Variants in RIT2 observed in about 807,000 individuals in gnomAD.
The protein encoded by RIT2 is GTP-binding protein Rit2.
In RIT2, 24 loss-of-function variants were observed where a neutral mutation model predicts 23.7. That is an observed-to-expected ratio of 1.01 (90% CI 0.73 to 1.43). RIT2 has a LOEUF of 1.43. RIT2 is among the 40% of genes most tolerant of loss of function. The pLI, the probability that RIT2 is intolerant of heterozygous loss-of-function variation, is 0.00. For synonymous variants in RIT2, 107 were observed against 91.1 expected, an observed-to-expected ratio of 1.17 and a Z score of -0.99; for missense variants, 236 against 266.9, an observed-to-expected ratio of 0.88 and a Z score of 0.81.
At chr18:42,848,023 T>C (rs564220464) in intron 4 of RIT2, among the ~76,000 whole-genome samples, 5 of 151,644 alleles carry the variant, frequency 3.3e-5, no homozygotes, top group African/African-American at 1.2e-4. Context: ...ATTACCCAGC[T>C]GCTGGAAATG....
intron 2 of RIT2, among the ~76,000 whole-genome samples, chr18:43,002,880 C>CA (rs1861309532): frequency 6.6e-6 from 1 of 151,806 alleles, no homozygotes; most frequent in Admixed American, 6.6e-5. Context: ...CAGGATTATC[C>CA]AGGTGTGACC....
chr18:42,956,486 T>C (rs994978454), intron 3 of RIT2, among the ~76,000 whole-genome samples: 4 of 152,182 alleles, frequency 2.6e-5, no homozygotes, highest in Admixed American at 6.6e-5. Context: ...AAATGAAACA[T>C]GTACTTGAAA....
At chr18:43,078,328 T>C (rs1312382076) in intron 1 of RIT2, among the ~76,000 whole-genome samples, 3 of 152,192 alleles carry the variant, frequency 2.0e-5, no homozygotes, top group Non-Finnish European at 4.4e-5. Context: ...AGGTGCATTC[T>C]TGCCACTGTA....
intron 1 of RIT2, among the ~76,000 whole-genome samples, chr18:43,063,881 G>C (rs753552331): frequency 1.3e-5 from 2 of 152,262 alleles, no homozygotes; most frequent in East Asian, 3.9e-4. Context: ...GGAGGTCATA[G>C]GGAGGAGTAA....
intron 4 of RIT2, among the ~76,000 whole-genome samples, chr18:42,911,158 G>T (rs1245545886): frequency 2.0e-5 from 3 of 151,806 alleles, no homozygotes; most frequent in Non-Finnish European, 4.4e-5. Context: ...AACATCTTGG[G>T]AATTAAAAAT....
At chr18:43,007,702 C>T (rs1345833746) in intron 2 of RIT2, among the ~76,000 whole-genome samples, 1 of 151,662 alleles carries the variant, frequency 6.6e-6, no homozygotes, top group Admixed American at 6.6e-5. Flanking sequence ...AAATAATACC[C>T]ACCAGGTATG....
At chr18:42,864,837 C>T (rs1200966826) in intron 4 of RIT2, among the ~76,000 whole-genome samples, 1 of 152,170 alleles carries the variant, frequency 6.6e-6, no homozygotes, top group Non-Finnish European at 1.5e-5. Context: ...TCCATATATC[C>T]TGAAAGGTGG....
At chr18:42,822,093 T>C (rs1906168497) in intron 4 of RIT2, among the ~76,000 whole-genome samples, 1 of 152,134 alleles carries the variant, frequency 6.6e-6, no homozygotes, top group East Asian at 1.9e-4. Flanking sequence ...GGAAGCTAAA[T>C]GCAGAGGAGA....
chr18:43,026,634 A>AAGAAAG (rs1555652917), intron 2 of RIT2, among the ~76,000 whole-genome samples: 5 of 100,278 alleles, frequency 5.0e-5, no homozygotes, highest in Non-Finnish European at 6.9e-5. Flanking sequence ...GAAAGAAAGA[A>AAGAAAG]AGAGAGAAAG....
At chr18:42,826,553 C>T (rs1006515643) in intron 4 of RIT2, among the ~76,000 whole-genome samples, 4 of 152,008 alleles carry the variant, frequency 2.6e-5, no homozygotes, top group African/African-American at 7.2e-5. Context: ...TTAATGTTTA[C>T]ATATTAGAAT....
At chr18:42,745,586 C>T (rs1396806625) in intron 4 of RIT2, among the ~76,000 whole-genome samples, 1 of 152,042 alleles carries the variant, frequency 6.6e-6, no homozygotes. Flanking sequence ...TTTTTTCATT[C>T]CTACTGGTAA....
intron 2 of RIT2, among the ~76,000 whole-genome samples, chr18:42,999,397 A>G (rs1177807361): frequency 6.6e-6 from 1 of 152,116 alleles, no homozygotes; most frequent in South Asian, 2.1e-4. Context: ...GCAATGTGAA[A>G]GAAACTACCT....
chr18:43,038,835 A>G (rs147053166), intron 1 of RIT2, among the ~76,000 whole-genome samples: 1,832 of 150,764 alleles, frequency 0.012, 37 homozygotes, highest in African/African-American at 0.041. Context: ...CTCTGTTTCT[A>G]TGCATTACAT....
intron 4 of RIT2, among the ~76,000 whole-genome samples, chr18:42,792,657 G>T (rs561890230): frequency 1.3e-5 from 2 of 152,270 alleles, no homozygotes; most frequent in African/African-American, 4.8e-5. Context: ...TGTATAGATT[G>T]CACGGTGTGT....
chr18:43,065,748 T>C (rs1568071891), intron 1 of RIT2, among the ~76,000 whole-genome samples: 1 of 151,744 alleles, frequency 6.6e-6, no homozygotes, highest in Non-Finnish European at 1.5e-5. Context: ...ACTAGGTAAC[T>C]CCCACTTATG....
At chr18:42,757,311 C>T (rs1193314188) in intron 4 of RIT2, among the ~76,000 whole-genome samples, 1 of 152,130 alleles carries the variant, frequency 6.6e-6, no homozygotes, top group Non-Finnish European at 1.5e-5. Flanking sequence ...TGCAGAATCT[C>T]TGGACAGAAA....
chr18:43,044,203 G>A (rs1009198847), intron 1 of RIT2, among the ~76,000 whole-genome samples: 1 of 152,130 alleles, frequency 6.6e-6, no homozygotes, highest in African/African-American at 2.4e-5. Flanking sequence ...TTTTAATACT[G>A]ACAATGTTGA....
intron 3 of RIT2, among the ~76,000 whole-genome samples, chr18:42,940,236 C>CTA (rs5824460): frequency 0.14 from 12,078 of 86,584 alleles, 930 homozygotes; most frequent in Middle Eastern, 0.22. Context: ...GAAAGGCTCA[C>CTA]TATATATATA....
intron 1 of RIT2, among the ~76,000 whole-genome samples, chr18:43,057,585 T>A (rs1912534906): frequency 2.0e-5 from 3 of 152,160 alleles, no homozygotes; most frequent in Admixed American, 6.6e-5. Flanking sequence ...GGTAAGGATG[T>A]AGTGTATGTG....
Sources: gnomAD v4.1 joint callset for allele counts (sites outside exome capture counted in the v4.1 genomes callset) on GRCh38, gnomAD v4.1.1 for gene constraint, MANE v1.5 for transcripts, NCBI Gene and HGNC (gene_info 2026-07-23, HGNC 2026-07-21) for gene names.